ADCY5: variants seen among roughly 807,000 people sequenced by gnomAD.
The protein encoded by ADCY5 is adenylate cyclase 5, also known as adenylate cyclase type 5.
In ADCY5, 30 loss-of-function variants were observed where a neutral mutation model predicts 119.7. The ratio of observed to expected loss-of-function variants is 0.25; its 90% CI spans 0.19 to 0.34. ADCY5 has a LOEUF of 0.34. ADCY5 is among the 10% of genes least tolerant of loss of function. The pLI, the probability that ADCY5 is intolerant of heterozygous loss-of-function variation, is 1.00. For missense variants in ADCY5, 1,324 were observed against 1,775.2 expected (o/e 0.75, Z 4.57); for synonymous variants, 753 against 762.2 (o/e 0.99, Z 0.20).
At chr3:123,320,972 T>A (rs1941191953) in intron 8 of ADCY5, among the ~76,000 whole-genome samples, 1 of 152,202 alleles carries the variant, frequency 6.6e-6, no homozygotes, top group Non-Finnish European at 1.5e-5. Flanking sequence ...AGACAGGTGC[T>A]GTGCTAGACG....
At chr3:123,432,021 C>T (rs1559876915) in intron 1 of ADCY5, among the ~76,000 whole-genome samples, 1 of 152,146 alleles carries the variant, frequency 6.6e-6, no homozygotes, top group Non-Finnish European at 1.5e-5. Context: ...GGTGAAAGCT[C>T]CTTGACGTAC....
At chr3:123,413,831 A>G (rs1945120720) in intron 1 of ADCY5, among the ~76,000 whole-genome samples, 1 of 152,090 alleles carries the variant, frequency 6.6e-6, no homozygotes, top group Admixed American at 6.5e-5. Flanking sequence ...GAAGGAGCAA[A>G]TGGCAGCAGA....
chr3:123,443,843 A>G (rs999713650), intron 1 of ADCY5, among the ~76,000 whole-genome samples: 1 of 152,106 alleles, frequency 6.6e-6, no homozygotes, highest in Non-Finnish European at 1.5e-5. Flanking sequence ...CATAATAATA[A>G]TACCCCATAT....
chr3:123,439,480 G>T (rs1945686029), intron 1 of ADCY5, among the ~76,000 whole-genome samples: 4 of 152,290 alleles, frequency 2.6e-5, no homozygotes, highest in Middle Eastern at 3.4e-3. Flanking sequence ...CTGAAACTCT[G>T]AACAGTATAT....
intron 8 of ADCY5, among the ~76,000 whole-genome samples, chr3:123,325,051 C>T (rs1941411147): frequency 6.6e-6 from 1 of 152,218 alleles, no homozygotes; most frequent in South Asian, 2.1e-4. Context: ...CCAGGCTGTG[C>T]CGCAAGCTCT....
intron 1 of ADCY5, among the ~76,000 whole-genome samples, chr3:123,378,991 T>C (rs1338055118): frequency 1.3e-5 from 2 of 152,152 alleles, no homozygotes; most frequent in African/African-American, 4.8e-5. Flanking sequence ...TGCCTGGCCC[T>C]GTGGAAAAGG....
intron 1 of ADCY5, chr3:123,404,311 C>T (rs1006403164): frequency 2.0e-5 from 3 of 152,268 alleles, no homozygotes; most frequent in African/African-American, 7.2e-5. Flanking sequence ...CCCTCTTCAC[C>T]GAGCTTTCCG....
chr3:123,399,468 T>C (rs9841543), intron 1 of ADCY5, among the ~76,000 whole-genome samples: 47,305 of 152,070 alleles, frequency 0.31, 7,514 homozygotes, highest in East Asian at 0.44. Flanking sequence ...TCCCTAGTTC[T>C]TACTTTCTTT....
intron 1 of ADCY5, among the ~76,000 whole-genome samples, chr3:123,400,953 A>T (rs9865168): frequency 0.059 from 8,972 of 151,678 alleles, 604 homozygotes; most frequent in African/African-American, 0.16. Flanking sequence ...AAAAAAAAGA[A>T]ATAAAAATAA....
At chr3:123,416,298 A>G in intron 1 of ADCY5, 5 of 1,535,958 alleles carry the variant, frequency 3.3e-6, no homozygotes, top group Non-Finnish European at 4.4e-6. Flanking sequence ...ACGCTTCCCC[A>G]AAAAGGGGCT....
At chr3:123,380,294 C>G (rs1943987501) in intron 1 of ADCY5, among the ~76,000 whole-genome samples, 1 of 152,242 alleles carries the variant, frequency 6.6e-6, no homozygotes, top group Admixed American at 6.5e-5. Flanking sequence ...AAGTGACCAC[C>G]AGGCCCTCTG....
At chr3:123,408,765 T>C (rs543913361) in intron 1 of ADCY5, among the ~76,000 whole-genome samples, 4 of 150,980 alleles carry the variant, frequency 2.6e-5, no homozygotes, top group Non-Finnish European at 4.4e-5. Context: ...CACCTGAGGG[T>C]AGGAATTCAA....
chr3:123,399,021 G>A (rs929817915), intron 1 of ADCY5, among the ~76,000 whole-genome samples: 6 of 152,166 alleles, frequency 3.9e-5, no homozygotes, highest in African/African-American at 1.4e-4. Flanking sequence ...ATCTCCCAGG[G>A]GCAGGACTGG....
intron 8 of ADCY5, among the ~76,000 whole-genome samples, chr3:123,323,538 A>C: frequency 1.4e-5 from 2 of 145,936 alleles, no homozygotes; most frequent in South Asian, 2.2e-4. Flanking sequence ...CCTCCTCCCC[A>C]TCTCCCTGCC....
intron 1 of ADCY5, among the ~76,000 whole-genome samples, chr3:123,365,284 T>C (rs2107515604): frequency 6.6e-6 from 1 of 152,342 alleles, no homozygotes; most frequent in East Asian, 1.9e-4. Context: ...CGTAAGCATG[T>C]TCCCCTGTTA....
Position 123,352,601 on chromosome 3 carries a change from C to A in ADCY5, c.1135-20G>T. On this transcript the variant is annotated intron_variant, in intron 1 of 20. Transcript: ENST00000462833. The surrounding 1 kb of genome is among the most constrained non-coding windows in gnomAD (Gnocchi z 4.8). ...GACAAGCTGCAGAGGGAGAGAGGAG[C>A]ACACCTAGCTCAGATCCTGACCTTC... is the stretch of plus-strand genomic sequence containing the variant. 1.2e-6 allele frequency: 2 copies of A among 1,601,848 alleles called. No individual in the cohort carries two copies. The highest frequency in any genetic ancestry group is 1.7e-6 in the Non-Finnish European group (2 of 1,171,866).
At chr3:123,326,164 C>T (rs546758698) in intron 7 of ADCY5, among the ~76,000 whole-genome samples, 49 of 152,300 alleles carry the variant, frequency 3.2e-4, no homozygotes, top group Admixed American at 2.2e-3. Flanking sequence ...GGACACGGCC[C>T]GGGGCCCAAG....
At chr3:123,368,497 T>C (rs1408898590) in intron 1 of ADCY5, among the ~76,000 whole-genome samples, 1 of 152,184 alleles carries the variant, frequency 6.6e-6, no homozygotes, top group Non-Finnish European at 1.5e-5. Flanking sequence ...CTTGGGAGGC[T>C]AAGCCAGGAG....
At chr3:123,353,763 C>A (rs373474543) in intron 1 of ADCY5, among the ~76,000 whole-genome samples, 1 of 152,220 alleles carries the variant, frequency 6.6e-6, no homozygotes, top group East Asian at 1.9e-4. Flanking sequence ...ACGCTCTTCT[C>A]TAGGGGCCTC....
Sources: allele counts gnomAD v4.1 joint callset (sites outside exome capture counted in the v4.1 genomes callset), GRCh38; gene constraint gnomAD v4.1.1; non-coding constraint Gnocchi (gnomAD v3.1); transcripts MANE v1.5; gene names NCBI Gene and HGNC (gene_info 2026-07-23, HGNC 2026-07-21).